Variants in FRMD5 observed in about 807,000 individuals in gnomAD.
FRMD5 encodes FERM domain-containing protein 5.
In FRMD5, 20 loss-of-function variants were observed where a neutral mutation model predicts 69.0. The observed-to-expected ratio is 0.29, with a 90% CI of 0.20 to 0.42. The LOEUF (loss-of-function observed/expected upper bound fraction) is 0.42, where lower values mean the gene tolerates loss of function less well. Among genes scored for constraint, FRMD5 ranks in the 10% least tolerant of loss-of-function variants. The pLI, the probability that FRMD5 is intolerant of heterozygous loss-of-function variation, is 1.00. For missense variants in FRMD5, 595 were observed against 708.6 expected, an observed-to-expected ratio of 0.84 and a Z score of 1.82; for synonymous variants, 271 against 260.1, an observed-to-expected ratio of 1.04 and a Z score of -0.40.
intron 1 of FRMD5, among the ~76,000 whole-genome samples, chr15:43,961,898 T>C (rs1162933128): frequency 1.3e-5 from 2 of 152,094 alleles, no homozygotes; most frequent in Non-Finnish European, 2.9e-5. Flanking sequence ...ATTGATGGGA[T>C]GTATCTCAAA....
At chr15:43,926,265 C>G (rs900189216) in intron 1 of FRMD5, among the ~76,000 whole-genome samples, 8 of 152,208 alleles carry the variant, frequency 5.3e-5, no homozygotes, top group Admixed American at 5.2e-4. Flanking sequence ...GGAGCCTGCA[C>G]AGCATCCATC....
At chr15:44,093,929 G>A (rs990847221) in intron 1 of FRMD5, among the ~76,000 whole-genome samples, 5 of 152,020 alleles carry the variant, frequency 3.3e-5, no homozygotes, top group Non-Finnish European at 5.9e-5. Flanking sequence ...AATAATAAAA[G>A]TCTTCACCAT....
At chr15:44,080,615 T>C (rs1893958937) in intron 1 of FRMD5, among the ~76,000 whole-genome samples, 1 of 152,150 alleles carries the variant, frequency 6.6e-6, no homozygotes, top group East Asian at 1.9e-4. Flanking sequence ...TATTATTTTG[T>C]ACCACTTTCT....
chr15:44,189,317 A>G (rs2078155035), intron 1 of FRMD5, among the ~76,000 whole-genome samples: 1 of 152,162 alleles, frequency 6.6e-6, no homozygotes, highest in South Asian at 2.1e-4. Context: ...GACAACAATA[A>G]TGAAGATCAC....
At chr15:44,068,815 A>G (rs935495112) in intron 1 of FRMD5, among the ~76,000 whole-genome samples, 2 of 152,218 alleles carry the variant, frequency 1.3e-5, no homozygotes, top group Non-Finnish European at 2.9e-5. Context: ...TTCCAGATCT[A>G]TTCAGAATGG....
intron 1 of FRMD5, among the ~76,000 whole-genome samples, chr15:44,107,141 A>G (rs1326399386): frequency 1.3e-5 from 2 of 152,194 alleles, no homozygotes; most frequent in Non-Finnish European, 2.9e-5. Context: ...TACAAAATGT[A>G]TTTTCATTCA....
intron 1 of FRMD5, among the ~76,000 whole-genome samples, chr15:44,048,004 C>T (rs1165029931): frequency 6.6e-6 from 1 of 152,052 alleles, no homozygotes; most frequent in African/African-American, 2.4e-5. Flanking sequence ...ATGAAAAATG[C>T]TGCTATGAAC....
chr15:44,068,749 A>G (rs1004635938), intron 1 of FRMD5, among the ~76,000 whole-genome samples: 1 of 152,214 alleles, frequency 6.6e-6, no homozygotes, highest in African/African-American at 2.4e-5. Flanking sequence ...AAATTTTATG[A>G]CATGTGAATC....
chr15:44,048,345 GC>G (rs1412863885), intron 1 of FRMD5, among the ~76,000 whole-genome samples: 2 of 151,906 alleles, frequency 1.3e-5, no homozygotes, highest in Non-Finnish European at 2.9e-5. Flanking sequence ...GTGCTTATTG[GC>G]CATTTTTGTA....
At chr15:43,939,747 G>C (rs1252520831) in intron 1 of FRMD5, among the ~76,000 whole-genome samples, 1 of 152,008 alleles carries the variant, frequency 6.6e-6, no homozygotes, top group East Asian at 1.9e-4. Flanking sequence ...TTTTTGTAGA[G>C]ACGGGTTTTC....
At chr15:44,065,182 T>C (rs1893257710) in intron 1 of FRMD5, among the ~76,000 whole-genome samples, 1 of 152,216 alleles carries the variant, frequency 6.6e-6, no homozygotes, top group Non-Finnish European at 1.5e-5. Context: ...ATAATGAATA[T>C]ACAGTACTTA....
At chr15:44,013,540 A>C (rs931006742) in intron 1 of FRMD5, among the ~76,000 whole-genome samples, 3 of 152,230 alleles carry the variant, frequency 2.0e-5, no homozygotes, top group Non-Finnish European at 4.4e-5. Flanking sequence ...CAAATGATTG[A>C]ATGAGTCAAC....
chr15:44,000,490 C>T (rs900024786), intron 1 of FRMD5, among the ~76,000 whole-genome samples: 11 of 149,942 alleles, frequency 7.3e-5, no homozygotes, highest in Admixed American at 1.3e-4. Flanking sequence ...GACAGAGTCT[C>T]GCTGTATCCC....
chr15:44,077,909 C>G (rs190534536), intron 1 of FRMD5, among the ~76,000 whole-genome samples: 5 of 152,174 alleles, frequency 3.3e-5, no homozygotes, highest in Admixed American at 6.5e-5. Flanking sequence ...CCTTAAATAA[C>G]AAAAGGTAGC....
At chr15:43,921,810 C>A (rs962125140) in intron 2 of FRMD5, among the ~76,000 whole-genome samples, 4 of 152,136 alleles carry the variant, frequency 2.6e-5, no homozygotes, top group Non-Finnish European at 5.9e-5. Context: ...AGGCCCTGGG[C>A]CCGAGTCAGG....
chr15:43,913,099 C>T (rs1166133984), intron 4 of FRMD5, among the ~76,000 whole-genome samples: 1 of 152,042 alleles, frequency 6.6e-6, no homozygotes, highest in East Asian at 1.9e-4. Flanking sequence ...CTTCTCCTCC[C>T]ACCCAAGGGA....
At chr15:43,902,583 T>TGAGGTGG (rs1240828034) in intron 6 of FRMD5, among the ~76,000 whole-genome samples, 1 of 150,690 alleles carries the variant, frequency 6.6e-6, no homozygotes, top group Non-Finnish European at 1.5e-5. Flanking sequence ...CTTGGGAGGC[T>TGAGGTGG]GAGGTGGGAG....
intron 1 of FRMD5, chr15:43,988,953 C>A: frequency 1.7e-6 from 1 of 596,992 alleles, no homozygotes; most frequent in South Asian, 1.5e-5. Flanking sequence ...TCGAGCCAAA[C>A]AAAACAAAAC....
At chr15:44,102,071 C>G (rs2076649259) in intron 1 of FRMD5, among the ~76,000 whole-genome samples, 1 of 152,194 alleles carries the variant, frequency 6.6e-6, no homozygotes, top group Non-Finnish European at 1.5e-5. Context: ...CACCATTATC[C>G]ATTCTTTGCA....
Sources: allele counts gnomAD v4.1 joint callset (sites outside exome capture counted in the v4.1 genomes callset), GRCh38; gene constraint gnomAD v4.1.1; transcripts MANE v1.5; gene names NCBI Gene and HGNC (gene_info 2026-07-23, HGNC 2026-07-21).